SLC12A4: variants seen among roughly 807,000 people sequenced by gnomAD.
The protein encoded by SLC12A4 is electroneutral potassium-chloride cotransporter 1.
SLC12A4 carries 84 observed loss-of-function variants against 119.2 expected under a neutral mutation model. That is an observed-to-expected ratio of 0.70 (90% CI 0.59 to 0.85). The LOEUF is 0.85. Ranked by LOEUF, SLC12A4 falls within the 40% of genes least tolerant of loss-of-function variation. The probability of loss-of-function intolerance (pLI) is 0.00; values close to 1 mark genes in which losing one functional copy is unlikely to be tolerated. For missense variants in SLC12A4, 1,298 were observed against 1,476.3 expected (o/e 0.88, Z 1.98); for synonymous variants, 599 against 604.6 (o/e 0.99, Z 0.14).
At chr16:67,966,587 C>T (rs2030877481) in intron 1 of SLC12A4, among the ~76,000 whole-genome samples, 1 of 152,254 alleles carries the variant, frequency 6.6e-6, no homozygotes. Flanking sequence ...CCTCCCTACC[C>T]CCTGCCCACA....
chr16:67,955,262 GCTTCTATCAAAGT>G (rs2030190127), intron 5 of SLC12A4, among the ~76,000 whole-genome samples: 1 of 152,250 alleles, frequency 6.6e-6, no homozygotes, highest in African/African-American at 2.4e-5. Flanking sequence ...CTGAATCTGT[GCTTCTATCAAAGT>G]CTAACACCCT....
Position 67,950,555 on chromosome 16 carries a change from G to A in SLC12A4, c.1455-62C>T. ...CGGAAGGATGGCACAGACCACCAAA[G>A]GCAGCCAGCAGGCTTAGGACCACCC... On this transcript the variant is annotated intron_variant, in intron 11 of 23. Transcript: ENST00000316341. This position sits in a 1 kb window ranked among gnomAD's most constrained non-coding sequence, Gnocchi z 4.3. 1 of 1,610,282 alleles carries A rather than the reference G, an allele frequency of 6.2e-7. No individual in the cohort carries two copies. The highest frequency in any genetic ancestry group is 1.7e-4 in the Middle Eastern group (1 of 6,054).
intron 6 of SLC12A4, among the ~76,000 whole-genome samples, chr16:67,953,366 G>A (rs989465183): frequency 6.6e-6 from 1 of 152,168 alleles, no homozygotes; most frequent in Non-Finnish European, 1.5e-5. Flanking sequence ...CAGCTTGGGC[G>A]ACAGAGTGAG....
chr16:67,946,531 C>T lies in SLC12A4; in HGVS notation c.2344G>A (p.Gly782Ser), dbSNP rs761344634. Residue 782 changes from glycine to serine, a missense_variant, in exon 18 of 24, where the codon GGC (glycine) becomes AGC (serine). Transcript: ENST00000316341. ...GAGTTATGCCGCATGCCTCCCAGGC[C>T]ACAGGACTGGATGAGGTGGGCCAGC... Reference protein sequence around the residue: ...EGLAHLIQSCGLGGMRHNSVV... With the variant: ...EGLAHLIQSCSLGGMRHNSVV... 2.4e-5 allele frequency: 39 copies of T among 1,611,130 alleles called. No individual in the cohort carries two copies. Among genetic ancestry groups the T allele is most frequent in the Non-Finnish European group, 3.3e-5 (39 of 1,180,024 alleles).
upstream of SLC12A4, chr16:67,968,673 C>T: frequency 2.4e-6 from 3 of 1,270,924 alleles, no homozygotes; most frequent in South Asian, 2.7e-5. Context: ...GCTGCGCTCA[C>T]TTCCTCCGCC....
rs1317194510 is a variant in SLC12A4 at position 67,949,868 on chromosome 16, C to T, written c.1680G>A (p.Leu560=). The T allele has an allele frequency of 1.2e-6, 2 of 1,610,588 alleles. No homozygotes were observed. The highest frequency in any genetic ancestry group is 1.7e-6 in the Non-Finnish European group (2 of 1,178,678). ...VNGEPTWALL[L]TALIAELGIL... ...TGCCCAGCTCGGCGATGAGTGCCGT[C>T]AGGAGGAGTGCCCATGTGGGTTCAC... Residue 560 remains leucine (L), a synonymous_variant, in exon 13 of 24, where the codon CTG becomes CTA. Coordinates refer to ENST00000316341, the MANE Select transcript of SLC12A4 (RefSeq NM_005072.5). The surrounding 1 kb of genome is among the most constrained non-coding windows in gnomAD (Gnocchi z 4.6).
intron 5 of SLC12A4, chr16:67,957,531 G>A (rs1016560127): frequency 1.4e-5 from 8 of 583,748 alleles, no homozygotes; most frequent in African/African-American, 1.3e-4. Flanking sequence ...TTCTTTTTTG[G>A]TATTGCTTTT....
chr16:67,968,127 C>T (rs1295548633), intron 1 of SLC12A4, among the ~76,000 whole-genome samples: 2 of 152,178 alleles, frequency 1.3e-5, no homozygotes, highest in Non-Finnish European at 2.9e-5. Flanking sequence ...GGGGTCTCGG[C>T]CCTGTCCCCA....
chr16:67,945,854 A>T lies in SLC12A4; in HGVS notation c.2757T>A (p.Ser919=). The T allele has an allele frequency of 6.2e-7, 1 of 1,614,062 alleles. No individual in the cohort carries two copies. Among genetic ancestry groups the T allele is most frequent in the Non-Finnish European group, 8.5e-7 (1 of 1,180,026 alleles). The change falls in exon 21 of 24, where the codon TCT becomes TCA. Residue 919 remains serine (S), a synonymous_variant. Coordinates refer to ENST00000316341, the MANE Select transcript of SLC12A4 (RefSeq NM_005072.5). ...TCAGCGTCCGCTCGTAGGTGTATGCAGAGATGTCACTGTTATGCTGGGGAC... is the reference window on the plus strand; with the variant it reads ...TCAGCGTCCGCTCGTAGGTGTATGCTGAGATGTCACTGTTATGCTGGGGAC... ...EVVEMHNSDI[S]AYTYERTLMM... is the part of the protein sequence containing the mutation.
rs1232177433 is a variant in SLC12A4, at chr16:67,964,029, G to T, written c.116-470C>A. ...GCACACAGCACCTTCGGCTGCCATG[G>T]CCCAAAGGTGGCCGGCTGGCTACCC... On this transcript the variant is annotated intron_variant, in intron 1 of 23. Coordinates refer to ENST00000316341, the MANE Select transcript of SLC12A4 (RefSeq NM_005072.5). 3.2e-6 allele frequency: 5 copies of T among 1,550,852 alleles called. No homozygotes were observed. The African/African-American group carries it at 6.8e-5, about 21-fold the overall frequency.
chr16:67,953,677 G>A (rs1049706827), intron 6 of SLC12A4, among the ~76,000 whole-genome samples: 4 of 152,048 alleles, frequency 2.6e-5, no homozygotes, highest in Non-Finnish European at 5.9e-5. Context: ...GGAATTGCAT[G>A]GTATGTAAAT....
rs758895417 is a variant in SLC12A4, at chr16:67,947,722, G to A, written c.1914C>T (p.Ala638=). 3.3e-5 allele frequency: 53 copies of A among 1,600,334 alleles called. No homozygotes were observed. In the East Asian group the frequency reaches 1.1e-3, roughly 32 times the overall value. Reference sequence around the variant, plus strand: ...TGCCGGCGATGAGCATGGCCACCAGGGCATAGTACCAGGAGGAGACAAACA... The same window carrying A: ...TGCCGGCGATGAGCATGGCCACCAGAGCATAGTACCAGGAGGAGACAAACA... ...ALMFVSSWYY[A]LVAMLIAGMI... Residue 638 remains alanine, a synonymous_variant, in exon 15 of 24, where the codon GCC becomes GCT. Transcript: ENST00000316341.
rs1382216952 is a variant in SLC12A4, at chr16:67,948,041, G to A, written c.1847+20C>T. 6.8e-6 allele frequency: 11 copies of A among 1,610,794 alleles called. No individual in the cohort carries two copies. Among genetic ancestry groups the A allele is most frequent in the African/African-American group, 1.3e-5 (1 of 74,906 alleles). On this transcript the variant is annotated intron_variant, in intron 14 of 23. Coordinates refer to ENST00000316341, the MANE Select transcript of SLC12A4 (RefSeq NM_005072.5). ...GCTCCTGGCCTCCCCAGGGTCTCCCGTGTCAGAGGCATGGCTCACCAGTGA... is the reference window on the plus strand; with the variant it reads ...GCTCCTGGCCTCCCCAGGGTCTCCCATGTCAGAGGCATGGCTCACCAGTGA...
At position 67,945,802 on chromosome 16, in the gene SLC12A4, G is replaced by A. The variant is rs1317144601; in HGVS notation, c.2809C>T (p.Arg937Trp). The A allele has an allele frequency of 6.8e-6, 11 of 1,613,822 alleles. No homozygotes were observed. The highest frequency in any genetic ancestry group is 2.2e-5 in the South Asian group (2 of 91,088). The change falls in exon 21 of 24, where the codon CGG becomes TGG. Residue 937 changes from arginine (R) to tryptophan (W), a missense_variant. Physicochemically the swap from Arg to Trp is moderately radical, Grantham distance 101 (BLOSUM62 -3). Transcript: ENST00000316341. ...TCAGTCTTGGTCAGTCTCATCTGCC[G>A]CAGCATCTGCGACCGCTGCTCCATC... is the stretch of plus-strand genomic sequence containing the variant. ...LMMEQRSQML[R>W]QMRLTKTERE...
intron 2 of SLC12A4, among the ~76,000 whole-genome samples, chr16:67,961,915 C>A (rs1027094365): frequency 5.3e-5 from 8 of 152,226 alleles, no homozygotes; most frequent in African/African-American, 1.7e-4. Context: ...AGCCCCGCGG[C>A]TGCTTCTCTC....
intron 1 of SLC12A4, chr16:67,963,898 G>A: frequency 1.3e-6 from 2 of 1,549,114 alleles, no homozygotes; most frequent in Middle Eastern, 1.7e-4. Flanking sequence ...TCGCCTCCAC[G>A]CCCCAGTCCC....
chr16:67,950,500 G>A lies in SLC12A4; in HGVS notation c.1455-7C>T, dbSNP rs1205689617. 4.3e-6 allele frequency: 7 copies of A among 1,613,692 alleles called. No individual in the cohort carries two copies. The highest frequency in any genetic ancestry group is 5.9e-6 in the Non-Finnish European group (7 of 1,179,924). On this transcript the variant is annotated splice_region_variant and splice_polypyrimidine_tract_variant and intron_variant, in intron 11 of 23. Transcript: ENST00000316341. This position sits in a 1 kb window ranked among gnomAD's most constrained non-coding sequence, Gnocchi z 4.3. ...GCTGACACCATCGCCATACCTGCAGGGGCCACCAGAGTGAGGGATGTCAGG... is the reference window on the plus strand; with the variant it reads ...GCTGACACCATCGCCATACCTGCAGAGGCCACCAGAGTGAGGGATGTCAGG...
At chr16:67,954,800 C>A in intron 5 of SLC12A4, 27 bp from the exon 6 acceptor site, 4 of 1,613,476 alleles carry the variant, frequency 2.5e-6, no homozygotes, top group Non-Finnish European at 3.4e-6. Context: ...AAAGTGTGCA[C>A]AGGTCAAGGC....
intron 6 of SLC12A4, among the ~76,000 whole-genome samples, chr16:67,952,837 C>T (rs947360404): frequency 6.6e-6 from 1 of 152,080 alleles, no homozygotes; most frequent in Non-Finnish European, 1.5e-5. Flanking sequence ...CCTGTAATCC[C>T]AGCACTTTGG....
Sources: allele counts gnomAD v4.1 joint callset (sites outside exome capture counted in the v4.1 genomes callset), GRCh38; gene constraint gnomAD v4.1.1; non-coding constraint Gnocchi (gnomAD v3.1); transcripts MANE v1.5; gene names NCBI Gene and HGNC (gene_info 2026-07-23, HGNC 2026-07-21).